The following ZNF43 variants were observed in gnomAD, a reference collection of about 807,000 sequenced individuals.
ZNF43 encodes the protein zinc finger protein 43, also known as zinc finger protein 39-like 1 (KOX 27).
Under a neutral mutation model 68.4 loss-of-function variants are expected in ZNF43, and 44 were observed. The observed-to-expected ratio is 0.64, with a 90% CI of 0.51 to 0.83. The LOEUF (loss-of-function observed/expected upper bound fraction) is 0.83. Ranked by LOEUF, ZNF43 falls within the 40% of genes least tolerant of loss-of-function variation. ZNF43 has a pLI of 0.00. For missense variants in ZNF43, 896 were observed against 933.2 expected (o/e 0.96, Z 0.52); for synonymous variants, 308 against 307.8 (o/e 1.00, Z -0.01).
intron 3 of ZNF43, 107 bp from the exon 4 acceptor site, chr19:21,809,914 A>C: frequency 9.3e-7 from 1 of 1,070,960 alleles, no homozygotes; most frequent in Non-Finnish European, 1.3e-6. Context: ...GATGTCATAG[A>C]AAAATACCAC....
chr19:21,849,243 C>T (rs2145432752), intron 1 of ZNF43, among the ~76,000 whole-genome samples: 1 of 152,250 alleles, frequency 6.6e-6, no homozygotes, highest in Non-Finnish European at 1.5e-5. Context: ...AACCCCAGCA[C>T]TTTGGGAGGC....
intron 1 of ZNF43, among the ~76,000 whole-genome samples, chr19:21,831,119 G>T (rs568441016): frequency 1.4e-4 from 22 of 152,072 alleles, no homozygotes; most frequent in Non-Finnish European, 1.2e-4. Flanking sequence ...TGAGTTATCT[G>T]TCACAAACTC....
chr19:21,824,746 A>AAG (rs2038029522), intron 1 of ZNF43, among the ~76,000 whole-genome samples: 1 of 151,680 alleles, frequency 6.6e-6, no homozygotes, highest in African/African-American at 2.4e-5. Flanking sequence ...AAAAAAAAAA[A>AAG]AAAAAGAAAA....
exon 1 of ZNF43, chr19:21,851,998 G>C: frequency 6.6e-7 from 1 of 1,504,430 alleles, no homozygotes; most frequent in African/African-American, 1.4e-5. Flanking sequence ...CAAAGTCACC[G>C]GGGATTCCCG....
Position 21,817,964 on chromosome 19 carries a change from G to A in ZNF43, c.153C>T (p.Asp51=), listed in dbSNP as rs185970407. 182 of 1,613,362 alleles carry A rather than the reference G, an allele frequency of 1.1e-4. No individual in the cohort carries two copies. Among genetic ancestry groups the A allele is most frequent in the Non-Finnish European group, 1.4e-4 (169 of 1,179,552 alleles). ...TTTCTTGCTCCAGACAGGTGATCAG[G>A]TCTGGCTTAGAGACAGCAATACCTG... ...VFLGIAVSKP[D]LITCLEQEKE... Residue 51 remains aspartate (D), a synonymous_variant, in exon 3 of 4, where the codon GAC becomes GAT. Coordinates refer to ENST00000354959, the MANE Select transcript of ZNF43 (RefSeq NM_003423.4).
intron 1 of ZNF43, among the ~76,000 whole-genome samples, chr19:21,819,483 T>G (rs1004424478): frequency 2.6e-5 from 4 of 152,200 alleles, no homozygotes; most frequent in Non-Finnish European, 4.4e-5. Context: ...AACTGTAAAA[T>G]TAAGGGCATG....
At chr19:21,815,373 A>G (rs1220650068) in intron 3 of ZNF43, among the ~76,000 whole-genome samples, 1 of 151,850 alleles carries the variant, frequency 6.6e-6, no homozygotes, top group African/African-American at 2.4e-5. Context: ...TTTAATAAAC[A>G]TTTAAAAGAA....
At chr19:21,851,853 C>T (rs555892608) in intron 1 of ZNF43, 3 of 1,536,688 alleles carry the variant, frequency 2.0e-6, no homozygotes, top group Non-Finnish European at 1.8e-6. Flanking sequence ...CCGGTCCCGC[C>T]ACTTTCACAG....
chr19:21,837,077 T>C (rs1046884661), upstream of ZNF43, among the ~76,000 whole-genome samples: 3 of 152,206 alleles, frequency 2.0e-5, no homozygotes, highest in South Asian at 2.1e-4. Context: ...AGTTGCAGTA[T>C]GCTAATGGAA....
At chr19:21,837,329 G>T (rs1375129428), upstream of ZNF43, among the ~76,000 whole-genome samples, 2 of 150,708 alleles carry the variant, frequency 1.3e-5, no homozygotes, top group East Asian at 3.9e-4. Context: ...TCATAAAAAG[G>T]CTAAAAAGTG....
At chr19:21,820,954 C>T (rs2145232690) in intron 1 of ZNF43, among the ~76,000 whole-genome samples, 1 of 151,302 alleles carries the variant, frequency 6.6e-6, no homozygotes, top group East Asian at 2.0e-4. Context: ...CTGCCTCAGC[C>T]TCCTGAGTAG....
At chr19:21,833,019 AAG>A (rs1456573244) in intron 1 of ZNF43, among the ~76,000 whole-genome samples, 1 of 152,230 alleles carries the variant, frequency 6.6e-6, no homozygotes, top group African/African-American at 2.4e-5. Flanking sequence ...TTACCCTGCA[AAG>A]AGAGTAACTG....
At chr19:21,849,046 C>G (rs1968151989) in intron 1 of ZNF43, among the ~76,000 whole-genome samples, 1 of 152,186 alleles carries the variant, frequency 6.6e-6, no homozygotes, top group African/African-American at 2.4e-5. Flanking sequence ...GCATGAGATT[C>G]AGGACCTCAC....
chr19:21,827,281 G>A (rs2038181287), intron 1 of ZNF43: 1 of 152,072 alleles, frequency 6.6e-6, no homozygotes, highest in Non-Finnish European at 1.5e-5. Context: ...TGCACCTTTT[G>A]ATGAAGAATT....
In ZNF43 at chr19:21,809,788, G is replaced by C. The variant is rs762062390; in HGVS notation, c.249C>G (p.Thr83=). 4.5e-6 allele frequency: 7 copies of C among 1,545,032 alleles called. No homozygotes were observed. In the African/African-American group the frequency reaches 8.4e-5, roughly 19 times the overall value. The part of the protein sequence containing the change: ...AKPPVMCSHF[T]QDFWPEQHIK... The stretch of plus-strand genomic sequence containing the variant: ...TATGCTGCTCTGGCCAAAAGTCTTG[G>C]GTAAAATGAGAACACATAACTGAAA... The change falls in exon 4 of 4, where the codon ACC becomes ACG. Residue 83 remains threonine, a synonymous_variant. Coordinates refer to ENST00000354959, the MANE Select transcript of ZNF43 (RefSeq NM_003423.4).
chr19:21,809,957 A>G (rs2037199594), intron 3 of ZNF43, 150 bp from the exon 4 acceptor site: 1 of 794,128 alleles, frequency 1.3e-6, no homozygotes, highest in Admixed American at 3.3e-5. Flanking sequence ...ATATAAATGT[A>G]ACAAAAACAT....
At chr19:21,845,084 G>GCTCTC (rs1471545660) in intron 1 of ZNF43, among the ~76,000 whole-genome samples, 1 of 150,718 alleles carries the variant, frequency 6.6e-6, no homozygotes, top group Admixed American at 6.6e-5. Flanking sequence ...TAGGTGCTTG[G>GCTCTC]GCAGGGATGC....
intron 1 of ZNF43, among the ~76,000 whole-genome samples, chr19:21,823,821 G>A (rs1236751679): frequency 6.6e-6 from 1 of 151,966 alleles, no homozygotes; most frequent in Non-Finnish European, 1.5e-5. Flanking sequence ...CATCCATCTC[G>A]GCCTCCCAAA....
rs148120810 is a variant in ZNF43, at chr19:21,842,475, C to T, written c.30+9430G>A. Among the ~76,000 whole-genome samples the T allele has an allele frequency of 1.1e-3, 167 of 149,036 alleles. 3 individuals carry two copies. The East Asian group carries it at 0.027, about 24-fold the overall frequency. ...CCTTGGGCAGAAACCAAGCAGTAGA[C>T]GAGGGTCACATCACCTTGTTACTAG... On this transcript the variant is annotated intron_variant, in intron 1 of 3. Coordinates refer to the ZNF43 transcript ENST00000357491.
Sources: gnomAD v4.1 joint callset for allele counts (sites outside exome capture counted in the v4.1 genomes callset) on GRCh38, gnomAD v4.1.1 for gene constraint, MANE v1.5 for transcripts, NCBI Gene and HGNC (gene_info 2026-07-23, HGNC 2026-07-21) for gene names.